WWOX: variants seen among roughly 807,000 people sequenced by gnomAD.
WWOX encodes the protein WW domain-containing oxidoreductase.
A neutral mutation model predicts 46.2 loss-of-function variants in WWOX; 69 were observed. That is an observed-to-expected ratio of 1.49 (90% CI 1.23 to 1.82). The LOEUF (loss-of-function observed/expected upper bound fraction) is 1.82. Among genes scored for constraint, WWOX ranks in the 40% most tolerant of loss-of-function variants. The pLI is 0.00. For synonymous variants in WWOX, 359 were observed against 202.6 expected, an observed-to-expected ratio of 1.77 and a Z score of -6.56; for missense variants, 919 against 542.6, an observed-to-expected ratio of 1.69 and a Z score of -6.89.
intron 8 of WWOX, among the ~76,000 whole-genome samples, chr16:78,722,698 G>GTTTTTTT (rs56266240): frequency 8.6e-6 from 1 of 116,304 alleles, no homozygotes. Context: ...GTTTGTCTCT[G>GTTTTTTT]TTTTTTTTTT....
intron 5 of WWOX, among the ~76,000 whole-genome samples, chr16:78,202,152 A>G (rs1209303709): frequency 2.0e-5 from 3 of 151,972 alleles, no homozygotes; most frequent in Non-Finnish European, 4.4e-5. Context: ...TGGCTCCTGT[A>G]CTCCCCACAA....
chr16:78,729,940 A>G (rs1328475191), intron 8 of WWOX, among the ~76,000 whole-genome samples: 1 of 152,132 alleles, frequency 6.6e-6, no homozygotes, highest in Admixed American at 6.6e-5. Context: ...GCAATGCCAG[A>G]TCCAGAGCAA....
intron 8 of WWOX, among the ~76,000 whole-genome samples, chr16:79,034,966 A>G (rs1353882694): frequency 2.0e-5 from 3 of 152,224 alleles, no homozygotes; most frequent in Non-Finnish European, 4.4e-5. Flanking sequence ...AGGCAAGTAT[A>G]AATCAGAAGC....
At chr16:78,688,114 A>G (rs1317755013) in intron 8 of WWOX, among the ~76,000 whole-genome samples, 3 of 152,022 alleles carry the variant, frequency 2.0e-5, no homozygotes, top group South Asian at 2.1e-4. Context: ...TTATTTCTAT[A>G]TATCTTAAAG....
chr16:78,895,657 A>C (rs1177802554), intron 8 of WWOX: 1 of 152,320 alleles, frequency 6.6e-6, no homozygotes, highest in South Asian at 2.1e-4. Flanking sequence ...AATAACTATC[A>C]TTGGTGTTTT....
At chr16:78,341,737 G>T (rs1242001937) in intron 5 of WWOX, among the ~76,000 whole-genome samples, 2 of 120,738 alleles carry the variant, frequency 1.7e-5, no homozygotes, top group East Asian at 3.9e-4. Flanking sequence ...TGGCAGGTCA[G>T]TGTTGCTGAG....
chr16:78,945,758 A>C (rs1309005065), intron 8 of WWOX, among the ~76,000 whole-genome samples: 2 of 150,486 alleles, frequency 1.3e-5, no homozygotes, highest in Non-Finnish European at 3.0e-5. Flanking sequence ...AATTGTTTTT[A>C]TTTAGGGCTC....
chr16:78,827,277 T>C (rs2051683575), intron 8 of WWOX, among the ~76,000 whole-genome samples: 1 of 152,088 alleles, frequency 6.6e-6, no homozygotes, highest in Non-Finnish European at 1.5e-5. Flanking sequence ...CTGGGCTCTG[T>C]GATAAGAGCT....
chr16:78,928,297 G>C (rs962007885), intron 8 of WWOX, among the ~76,000 whole-genome samples: 1 of 150,754 alleles, frequency 6.6e-6, no homozygotes, highest in Non-Finnish European at 1.5e-5. Flanking sequence ...CCGCCTCCCG[G>C]GTTCACGCCA....
chr16:78,135,688 A>G (rs2033765088), intron 4 of WWOX, among the ~76,000 whole-genome samples: 2 of 152,090 alleles, frequency 1.3e-5, no homozygotes, highest in Admixed American at 1.3e-4. Context: ...ATTACTGAAA[A>G]AAAAACAAAA....
intron 8 of WWOX, among the ~76,000 whole-genome samples, chr16:78,821,324 G>A (rs903956984): frequency 6.6e-6 from 1 of 152,156 alleles, no homozygotes; most frequent in Non-Finnish European, 1.5e-5. Context: ...TGGAGGGTGG[G>A]TCGGAAGCCA....
intron 8 of WWOX, among the ~76,000 whole-genome samples, chr16:78,665,014 G>A (rs904286289): frequency 6.6e-6 from 1 of 152,176 alleles, no homozygotes; most frequent in African/African-American, 2.4e-5. Flanking sequence ...TCTGTGCAGC[G>A]GCTGCATTCA....
chr16:78,122,004 C>T (rs1317616727), intron 4 of WWOX, among the ~76,000 whole-genome samples: 1 of 152,114 alleles, frequency 6.6e-6, no homozygotes, highest in African/African-American at 2.4e-5. Context: ...GGTCAACAGG[C>T]ATCTGAAAAT....
intron 8 of WWOX, among the ~76,000 whole-genome samples, chr16:78,803,075 T>C (rs1213007033): frequency 6.6e-6 from 1 of 151,658 alleles, no homozygotes; most frequent in Non-Finnish European, 1.5e-5. Context: ...TGCTTTATTT[T>C]TAAAAAATGT....
chr16:78,528,592 A>G (rs1597216555), intron 8 of WWOX, among the ~76,000 whole-genome samples: 1 of 152,200 alleles, frequency 6.6e-6, no homozygotes, highest in South Asian at 2.1e-4. Flanking sequence ...AGTCATCGTT[A>G]TAATAAACAC....
At chr16:78,893,160 A>C (rs1362594337) in intron 8 of WWOX, among the ~76,000 whole-genome samples, 1 of 151,948 alleles carries the variant, frequency 6.6e-6, no homozygotes, top group Non-Finnish European at 1.5e-5. Flanking sequence ...GGTCACAAAG[A>C]CACACGACTA....
Position 79,065,867 on chromosome 16 carries a change from C to T in WWOX, c.1057-145741C>T, listed in dbSNP as rs371634886. ...GAGTCAGCTATGCTGTCATATTCCT[C>T]TTATGGTCACAATTTCACAAAGGTG... On this transcript the variant is annotated intron_variant, in intron 8 of 8. Coordinates refer to ENST00000566780, the MANE Select transcript of WWOX (RefSeq NM_016373.4). 1.5e-3 allele frequency among the ~76,000 whole-genome samples: 233 copies of T among 152,326 alleles called. 8 individuals are homozygous for T. In the South Asian group the frequency reaches 0.047, roughly 31 times the overall value.
intron 8 of WWOX, among the ~76,000 whole-genome samples, chr16:78,983,559 G>GTTCA (rs2046724410): frequency 1.3e-5 from 2 of 152,116 alleles, no homozygotes; most frequent in African/African-American, 4.8e-5. Flanking sequence ...GGGGCTAAAT[G>GTTCA]TTCAGCCTGT....
intron 5 of WWOX, among the ~76,000 whole-genome samples, chr16:78,216,545 C>T (rs1408815761): frequency 0.023 from 4 of 176 alleles, no homozygotes; most frequent in Non-Finnish European, 0.037. Context: ...TTTCCCATGA[C>T]GCTAGAGGCT....
Sources: gnomAD v4.1 joint callset for allele counts (sites outside exome capture counted in the v4.1 genomes callset) on GRCh38, gnomAD v4.1.1 for gene constraint, MANE v1.5 for transcripts, NCBI Gene and HGNC (gene_info 2026-07-23, HGNC 2026-07-21) for gene names.